Variants in TMEM132B observed in about 807,000 individuals in gnomAD.
TMEM132B encodes transmembrane protein 132B.
Under a neutral mutation model 90.8 loss-of-function variants are expected in TMEM132B, and 18 were observed. The observed-to-expected ratio is 0.20, with a 90% CI of 0.14 to 0.29. TMEM132B has a LOEUF of 0.29. Among genes scored for constraint, TMEM132B ranks in the 10% least tolerant of loss-of-function variants. The pLI is 1.00. For synonymous variants in TMEM132B, 504 were observed against 523.3 expected (o/e 0.96, Z 0.50); for missense variants, 1,096 against 1,326.8 (o/e 0.83, Z 2.70).
At chr12:125,281,780 G>A (rs1233873679) in intron 1 of TMEM132B, among the ~76,000 whole-genome samples, 13 of 152,056 alleles carry the variant, frequency 8.5e-5, no homozygotes, top group Admixed American at 8.5e-4. Flanking sequence ...TGTAATCCCA[G>A]CACTTTGGGA....
chr12:125,652,467 C>G lies in TMEM132B; in HGVS notation c.1941C>G (p.Ile647Met). Residue 647 changes from isoleucine to methionine, a missense_variant, in exon 8 of 9, where the codon ATC becomes ATG. Coordinates refer to ENST00000682704, the MANE Select transcript of TMEM132B (RefSeq NM_001366854.1). ...VQVLSPLSDS[I>M]LAEKTVIVLD... is the part of the protein sequence containing the mutation. The stretch of plus-strand genomic sequence containing the variant: ...TCCTCTCGCCGTTGTCTGACTCCAT[C>G]CTGGCTGAGAAGACGGTGATTGTCC... The G allele has an allele frequency of 6.2e-7, 1 of 1,610,152 alleles. No individual in the cohort carries two copies. The highest frequency in any genetic ancestry group is 8.5e-7 in the Non-Finnish European group (1 of 1,177,838).
chr12:125,585,305 T>C (rs943513968), intron 5 of TMEM132B: 2 of 152,210 alleles, frequency 1.3e-5, no homozygotes, highest in African/African-American at 2.4e-5. Flanking sequence ...GTGGTCCTTG[T>C]ATTCTGTAGG....
intron 1 of TMEM132B, among the ~76,000 whole-genome samples, chr12:125,270,961 T>C (rs76074542): frequency 0.16 from 23,790 of 150,558 alleles, 2,407 homozygotes; most frequent in African/African-American, 0.28. Flanking sequence ...TTTTTTTTTT[T>C]CCCGAAAGAG....
At chr12:125,461,934 A>G (rs181136202) in intron 3 of TMEM132B, among the ~76,000 whole-genome samples, 2 of 152,298 alleles carry the variant, frequency 1.3e-5, no homozygotes, top group Admixed American at 6.5e-5. Flanking sequence ...AGCAAACTTT[A>G]TTTCCCAATG....
intron 1 of TMEM132B, among the ~76,000 whole-genome samples, chr12:125,295,155 G>T (rs1875636515): frequency 1.3e-5 from 2 of 152,222 alleles, no homozygotes; most frequent in Admixed American, 6.5e-5. Context: ...AACTAAAGTT[G>T]CCAGTTAGTT....
intron 3 of TMEM132B, among the ~76,000 whole-genome samples, chr12:125,506,408 C>T (rs1293702135): frequency 6.6e-6 from 1 of 152,116 alleles, no homozygotes; most frequent in African/African-American, 2.4e-5. Flanking sequence ...AGCACTTTTT[C>T]AGGGTGGTGG....
At chr12:125,567,237 C>G (rs527715643) in intron 4 of TMEM132B, among the ~76,000 whole-genome samples, 2 of 152,136 alleles carry the variant, frequency 1.3e-5, no homozygotes, top group Non-Finnish European at 2.9e-5. Context: ...GCCCTCTGCC[C>G]TTTTCTCAAT....
At chr12:125,600,070 C>T (rs1885536012) in intron 5 of TMEM132B, among the ~76,000 whole-genome samples, 1 of 152,076 alleles carries the variant, frequency 6.6e-6, no homozygotes, top group Non-Finnish European at 1.5e-5. Context: ...ATGCTATCAT[C>T]ATTGGAGGAT....
chr12:125,194,805 G>GA (rs1299138163), intron 1 of TMEM132B, among the ~76,000 whole-genome samples: 2 of 152,084 alleles, frequency 1.3e-5, no homozygotes, highest in African/African-American at 4.8e-5. Context: ...AGGGAAGGGG[G>GA]AGGCATGGTG....
intron 2 of TMEM132B, among the ~76,000 whole-genome samples, chr12:125,403,892 T>A (rs139847889): frequency 7.1e-4 from 108 of 152,328 alleles, no homozygotes; most frequent in African/African-American, 2.5e-3. Flanking sequence ...CCATAATGAT[T>A]GGCTCAAGAT....
At chr12:125,269,052 C>A (rs1284364480) in intron 1 of TMEM132B, among the ~76,000 whole-genome samples, 1 of 152,252 alleles carries the variant, frequency 6.6e-6, no homozygotes, top group Non-Finnish European at 1.5e-5. Flanking sequence ...CTTGCAGGAG[C>A]TGCTGTTTTT....
At chr12:125,285,591 C>T (rs1875327079) in intron 1 of TMEM132B, among the ~76,000 whole-genome samples, 1 of 152,190 alleles carries the variant, frequency 6.6e-6, no homozygotes, top group Non-Finnish European at 1.5e-5. Context: ...AAATTTCTTT[C>T]CCAAAGTGAG....
chr12:125,615,139 G>A (rs1885956194), intron 5 of TMEM132B, among the ~76,000 whole-genome samples: 1 of 151,960 alleles, frequency 6.6e-6, no homozygotes, highest in African/African-American at 2.4e-5. Context: ...TTACTGTGAT[G>A]TGTCTGAGTG....
At chr12:125,254,537 C>T (rs973068106) in intron 1 of TMEM132B, among the ~76,000 whole-genome samples, 51 of 152,132 alleles carry the variant, frequency 3.4e-4, no homozygotes, top group African/African-American at 1.2e-3. Flanking sequence ...TGGGGAGCCT[C>T]CTTACCCATC....
intron 4 of TMEM132B, among the ~76,000 whole-genome samples, chr12:125,575,083 T>TATATA (rs61155232): frequency 3.0e-4 from 34 of 114,596 alleles, no homozygotes; most frequent in Non-Finnish European, 5.2e-4. Flanking sequence ...TATATATATA[T>TATATA]TCAGGAGTAG....
chr12:125,473,500 A>G (rs112309598), intron 3 of TMEM132B, among the ~76,000 whole-genome samples: 3 of 152,354 alleles, frequency 2.0e-5, no homozygotes, highest in South Asian at 2.1e-4. Flanking sequence ...GTGGCTTATA[A>G]TAGTGTCTAA....
chr12:125,338,286 C>G (rs1382113679), intron 1 of TMEM132B, among the ~76,000 whole-genome samples: 2 of 152,186 alleles, frequency 1.3e-5, no homozygotes, highest in Non-Finnish European at 2.9e-5. Context: ...CATGCTGTGA[C>G]CAGCTCTCTT....
chr12:125,222,795 G>C (rs1873589882), intron 1 of TMEM132B, among the ~76,000 whole-genome samples: 1 of 152,212 alleles, frequency 6.6e-6, no homozygotes, highest in Non-Finnish European at 1.5e-5. Flanking sequence ...CCACCCTGCA[G>C]TGTGACAACC....
chr12:125,352,375 A>G (rs1033161897), intron 2 of TMEM132B, among the ~76,000 whole-genome samples: 24 of 152,376 alleles, frequency 1.6e-4, no homozygotes, highest in African/African-American at 4.8e-4. Flanking sequence ...CGCTAAAAGT[A>G]GGGGACTTCT....
Sources: gnomAD v4.1 joint callset for allele counts (sites outside exome capture counted in the v4.1 genomes callset) on GRCh38, gnomAD v4.1.1 for gene constraint, MANE v1.5 for transcripts, NCBI Gene and HGNC (gene_info 2026-07-23, HGNC 2026-07-21) for gene names.